Variants in STXBP4 observed in about 807,000 individuals in gnomAD.
STXBP4 encodes the protein syntaxin binding protein 4.
Under a neutral mutation model 76.1 loss-of-function variants are expected in STXBP4, and 55 were observed. The observed-to-expected ratio is 0.72, with a 90% CI of 0.58 to 0.91. The LOEUF (loss-of-function observed/expected upper bound fraction) is 0.91. Among genes scored for constraint, STXBP4 ranks in the 40% least tolerant of loss-of-function variants. The pLI is 0.00. For synonymous variants in STXBP4, 201 were observed against 220.2 expected, an observed-to-expected ratio of 0.91 and a Z score of 0.77; for missense variants, 618 against 636.9, an observed-to-expected ratio of 0.97 and a Z score of 0.32.
intron 12 of STXBP4, among the ~76,000 whole-genome samples, chr17:55,049,981 T>A (rs921987540): frequency 1.3e-5 from 2 of 152,022 alleles, no homozygotes; most frequent in African/African-American, 2.4e-5. Flanking sequence ...ATGAAAGAAA[T>A]TTTCCAAATT....
At chr17:55,199,612 G>A in the STXBP4 span, among the ~76,000 whole-genome samples, 1 of 152,280 alleles carries the variant, frequency 6.6e-6, no homozygotes, top group South Asian at 2.1e-4. Flanking sequence ...CTAATCTTCA[G>A]ATTTCCCTGA....
At chr17:54,974,361 C>T (rs1200962282) in intron 1 of STXBP4, among the ~76,000 whole-genome samples, 1 of 152,072 alleles carries the variant, frequency 6.6e-6, no homozygotes, top group African/African-American at 2.4e-5. Context: ...ACAATAATGC[C>T]CTGAAGTCGT....
At chr17:55,078,037 T>A in intron 13 of STXBP4, 41 bp from the exon 14 acceptor site, 1 of 1,308,736 alleles carries the variant, frequency 7.6e-7, no homozygotes, top group Non-Finnish European at 1.1e-6. Flanking sequence ...AATGTAAAAC[T>A]GAAGAAATGT....
intron 16 of STXBP4, among the ~76,000 whole-genome samples, chr17:55,110,636 T>C (rs2145053793): frequency 6.6e-6 from 1 of 152,342 alleles, no homozygotes; most frequent in East Asian, 1.9e-4. Context: ...TTTTAGGCCT[T>C]GTAGCCGTAT....
intron 16 of STXBP4, 144 bp downstream of exon 16, chr17:55,081,327 G>A: frequency 1.8e-6 from 1 of 560,734 alleles, no homozygotes; most frequent in Non-Finnish European, 2.8e-6. Flanking sequence ...ACCAATCATA[G>A]GAGGAGAATA....
chr17:55,026,882 A>G (rs1203335516), intron 8 of STXBP4, among the ~76,000 whole-genome samples: 1 of 152,088 alleles, frequency 6.6e-6, no homozygotes, highest in Non-Finnish European at 1.5e-5. Flanking sequence ...CAGGCAGAGG[A>G]GCTTGGGCAC....
At chr17:55,181,076 C>G in the STXBP4 span, among the ~76,000 whole-genome samples, 24,301 of 152,204 alleles carry the variant, frequency 0.16, 2,352 homozygotes, top group Non-Finnish European at 0.22. Flanking sequence ...CATAACATTA[C>G]TCTATCACAC....
intron 16 of STXBP4, among the ~76,000 whole-genome samples, chr17:55,112,195 T>C (rs1449148469): frequency 2.0e-5 from 3 of 152,138 alleles, no homozygotes; most frequent in Non-Finnish European, 4.4e-5. Context: ...GCTGGTATTA[T>C]AGGCATGAGC....
chr17:54,974,160 G>A (rs1399957783), intron 1 of STXBP4, among the ~76,000 whole-genome samples: 1 of 152,168 alleles, frequency 6.6e-6, no homozygotes, highest in Admixed American at 6.5e-5. Flanking sequence ...TAAAGCTCCT[G>A]AATCCATTTA....
intron 16 of STXBP4, among the ~76,000 whole-genome samples, chr17:55,085,223 G>A (rs1225203638): frequency 6.6e-6 from 1 of 152,084 alleles, no homozygotes; most frequent in African/African-American, 2.4e-5. Context: ...TGGGTGGAGG[G>A]GGGAGGGATG....
At chr17:55,089,970 A>C (rs2079389283) in intron 16 of STXBP4, among the ~76,000 whole-genome samples, 2 of 152,110 alleles carry the variant, frequency 1.3e-5, no homozygotes, top group Non-Finnish European at 2.9e-5. Context: ...AATCTTTTTA[A>C]TATAGGAGAG....
chr17:54,999,263 CT>C (rs2077866769), intron 4 of STXBP4, 81 bp from the exon 5 acceptor site: 2 of 1,187,718 alleles, frequency 1.7e-6, no homozygotes, highest in Non-Finnish European at 2.4e-6. Flanking sequence ...TTCACGAAAA[CT>C]TTTCATTGCT....
chr17:55,149,351 G>A (rs1372492802), intron 17 of STXBP4, among the ~76,000 whole-genome samples: 2 of 140,862 alleles, frequency 1.4e-5, no homozygotes, highest in Non-Finnish European at 3.2e-5. Flanking sequence ...AAGGGCTTTA[G>A]TATCAGACAG....
intron 2 of STXBP4, 110 bp downstream of exon 2, chr17:54,985,801 A>T (rs939710979): frequency 6.4e-6 from 1 of 156,996 alleles, no homozygotes; most frequent in Non-Finnish European, 1.4e-5. Context: ...ATCTTTAACT[A>T]TTATGTGATT....
Position 55,006,888 on chromosome 17 carries a change from A to G in STXBP4, c.575-618A>G, listed in dbSNP as rs2078018226. 2.0e-5 allele frequency among the ~76,000 whole-genome samples: 3 copies of G among 152,318 alleles called. 1 individual carries two copies. The highest frequency in any genetic ancestry group is 4.1e-4 in the South Asian group (2 of 4,830). On this transcript the variant is annotated intron_variant, in intron 7 of 17. Coordinates refer to ENST00000376352, the MANE Select transcript of STXBP4 (RefSeq NM_178509.6). ...ACATCTTTGAACAAAAAGACTTTTT[A>G]TCTTTTTAAGGCATTGTGGTGATGT...
At chr17:55,097,034 C>T (rs933853324) in intron 16 of STXBP4, among the ~76,000 whole-genome samples, 1 of 152,062 alleles carries the variant, frequency 6.6e-6, no homozygotes, top group African/African-American at 2.4e-5. Context: ...GATGTAAAGT[C>T]AACAACTGAA....
At chr17:55,026,711 T>C (rs1221094452) in intron 8 of STXBP4, among the ~76,000 whole-genome samples, 10 of 152,224 alleles carry the variant, frequency 6.6e-5, no homozygotes, top group African/African-American at 2.4e-4. Context: ...AAGCTATTAC[T>C]GATTCTATAT....
At chr17:55,135,797 G>T (rs563472720) in intron 16 of STXBP4, among the ~76,000 whole-genome samples, 17 of 152,160 alleles carry the variant, frequency 1.1e-4, no homozygotes, top group Non-Finnish European at 1.9e-4. Context: ...ACAAATAATG[G>T]ATAATAATGC....
At chr17:55,012,037 G>A (rs138853094) in intron 8 of STXBP4, among the ~76,000 whole-genome samples, 5 of 152,270 alleles carry the variant, frequency 3.3e-5, no homozygotes, top group Non-Finnish European at 2.9e-5. Context: ...TCTTAGTCAT[G>A]GACTGCATCA....
Sources: allele counts gnomAD v4.1 joint callset (sites outside exome capture counted in the v4.1 genomes callset), GRCh38; gene constraint gnomAD v4.1.1; transcripts MANE v1.5; gene names NCBI Gene and HGNC (gene_info 2026-07-23, HGNC 2026-07-21).